The following CHORDC1 variants were observed in gnomAD, a reference collection of about 807,000 sequenced individuals.
The protein encoded by CHORDC1 is cysteine and histidine-rich domain-containing protein 1.
CHORDC1 carries 25 observed loss-of-function variants against 48.3 expected under a neutral mutation model. The observed-to-expected ratio is 0.52, with a 90% CI of 0.38 to 0.72. CHORDC1 has a LOEUF of 0.72. Ranked by LOEUF, CHORDC1 falls within the 30% of genes least tolerant of loss-of-function variation. The pLI, the probability that CHORDC1 is intolerant of heterozygous loss-of-function variation, is 0.00. For missense variants in CHORDC1, 317 were observed against 388.7 expected, an observed-to-expected ratio of 0.82 and a Z score of 1.55; for synonymous variants, 128 against 126.4, an observed-to-expected ratio of 1.01 and a Z score of -0.09.
intron 1 of CHORDC1, among the ~76,000 whole-genome samples, chr11:90,222,359 C>G (rs1048553778): frequency 2.0e-5 from 3 of 152,186 alleles, no homozygotes; most frequent in African/African-American, 7.2e-5. Context: ...TGTCCCTTAC[C>G]AAGAACACTT....
intron 7 of CHORDC1, chr11:90,205,954 G>A: frequency 2.0e-6 from 1 of 502,154 alleles, no homozygotes; most frequent in East Asian, 3.7e-5. Flanking sequence ...TTTAAATACA[G>A]AATATGAAGA....
At chr11:90,214,809 A>C (rs1857966971) in intron 3 of CHORDC1, among the ~76,000 whole-genome samples, 1 of 152,020 alleles carries the variant, frequency 6.6e-6, no homozygotes, top group Non-Finnish European at 1.5e-5. Flanking sequence ...GTGGTATATA[A>C]AGTGGTTTTA....
rs1038592536 is a variant in CHORDC1, at chr11:90,202,802, G to C, written c.852+11C>G. On this transcript the variant is annotated intron_variant, in intron 10 of 10. Transcript: ENST00000320585. ...TCAGAAAAAAAATTCTTATAAATTT[G>C]TAATACTTACACCCCATAATTTCAC... 1 of 1,583,162 alleles carries C rather than the reference G, an allele frequency of 6.3e-7. No individual in the cohort carries two copies. Among genetic ancestry groups the C allele is most frequent in the Non-Finnish European group, 8.6e-7 (1 of 1,168,662 alleles).
At chr11:90,205,907 T>C in intron 7 of CHORDC1, 1 of 466,150 alleles carries the variant, frequency 2.1e-6, no homozygotes. Context: ...TGTAGGACAG[T>C]CCTTCAAACA....
chr11:90,210,615 T>A (rs1857833421), intron 5 of CHORDC1, 21 bp from the exon 6 acceptor site: 1 of 1,482,750 alleles, frequency 6.7e-7, no homozygotes, highest in East Asian at 2.3e-5. Flanking sequence ...GAAAAAAAAA[T>A]CAAATTAAAA....
At chr11:90,206,009 CTTGT>C in intron 7 of CHORDC1, 189 bp downstream of exon 7, 1 of 583,680 alleles carries the variant, frequency 1.7e-6, no homozygotes, top group East Asian at 3.0e-5. Flanking sequence ...GAACTGTAAC[CTTGT>C]TTCTGTTTTC....
chr11:90,206,207 A>G lies in CHORDC1; in HGVS notation c.558T>C (p.His186=). 6.5e-7 allele frequency: 1 copy of G among 1,528,722 alleles called. No homozygotes were observed. Among genetic ancestry groups the G allele is most frequent in the African/African-American group, 1.4e-5 (1 of 73,586 alleles). 94.7% of individuals were successfully genotyped at this position (1,528,722 alleles called of 1,614,324 possible). A position where few individuals can be genotyped will look rare whatever the true frequency, so the allele number is the denominator to read the frequency against. The change falls in exon 7 of 11, where the codon CAT becomes CAC. Residue 186 remains histidine (H), a synonymous_variant. Coordinates refer to ENST00000320585, the MANE Select transcript of CHORDC1 (RefSeq NM_012124.3). The stretch of plus-strand genomic sequence containing the variant: ...ATAAGTCATGCATAAGTTACCCCTC[A>G]TGGAAAATAGGTACTCCAGAATGAT... The part of the protein sequence containing the change: ...CVYHSGVPIF[H]EGMKYWSCCR...
chr11:90,205,587 C>A (rs1857659466), intron 7 of CHORDC1, 22 bp from the exon 8 acceptor site: 8 of 1,419,744 alleles, frequency 5.6e-6, no homozygotes, highest in Non-Finnish European at 7.8e-6. Context: ...CACAGAAAAA[C>A]TTCAGAAATA....
At chr11:90,221,645 G>A (rs752880054) in intron 1 of CHORDC1, among the ~76,000 whole-genome samples, 4 of 152,114 alleles carry the variant, frequency 2.6e-5, no homozygotes. Context: ...CTTTAAAATC[G>A]TTTCTCGATT....
At chr11:90,213,685 G>A in intron 4 of CHORDC1, 1 of 452,594 alleles carries the variant, frequency 2.2e-6, no homozygotes, top group East Asian at 3.3e-5. Context: ...GCCATGAAAA[G>A]GAAAACTGCT....
chr11:90,218,581 C>A (rs538176990), intron 1 of CHORDC1, among the ~76,000 whole-genome samples: 1 of 152,338 alleles, frequency 6.6e-6, no homozygotes, highest in South Asian at 2.1e-4. Flanking sequence ...AAAGGTTTCA[C>A]AAGAGATTCC....
At chr11:90,213,445 T>C in intron 4 of CHORDC1, 1 of 695,332 alleles carries the variant, frequency 1.4e-6, no homozygotes, top group Non-Finnish European at 2.6e-6. Context: ...GTACTCAATA[T>C]ACATGTGTGG....
At position 90,202,064 on chromosome 11, in the gene CHORDC1, A is replaced by G; in HGVS notation, c.*341T>C. ...TTTACTAATTATGGAATAATACAAA[A>G]ACATAAAAAAAATGTTCCTTAATAT... On this transcript the variant is annotated 3_prime_UTR_variant, in exon 11 of 11. Coordinates refer to ENST00000320585, the MANE Select transcript of CHORDC1 (RefSeq NM_012124.3). The G allele has an allele frequency of 5.7e-6, 1 of 174,652 alleles. No homozygotes were observed. Among genetic ancestry groups the G allele is most frequent in the Non-Finnish European group, 1.2e-5 (1 of 83,162 alleles). 10.8% of individuals were successfully genotyped at this position (174,652 alleles called of 1,614,324 possible).
At chr11:90,203,174 ATTT>A in intron 9 of CHORDC1, 131 bp downstream of exon 9, 3 of 893,214 alleles carry the variant, frequency 3.4e-6, no homozygotes, top group Admixed American at 2.7e-5. Flanking sequence ...AAGTAATTTA[ATTT>A]TTTTTAATGG....
rs1857578236 is a variant in CHORDC1 at position 90,202,930 on chromosome 11, TCAAA to T, written c.790-59_790-56del. On this transcript the variant is annotated intron_variant, in intron 9 of 10. Coordinates refer to ENST00000320585, the MANE Select transcript of CHORDC1 (RefSeq NM_012124.3). ...TAATTCAAACTGAAGATTTATGCTA[TCAAA>T]CACTGATTATAAAAATAAGACTGAC... The T allele has an allele frequency of 2.6e-5, 39 of 1,507,610 alleles. No individual in the cohort carries two copies. In the South Asian group the frequency reaches 3.9e-4, roughly 15 times the overall value. The allele number at this position is 1,507,610 out of a possible 1,614,324, so 93.4% of individuals were successfully genotyped here. A position where few individuals can be genotyped will look rare whatever the true frequency, so the allele number is the denominator to read the frequency against.
At chr11:90,203,284 C>T in intron 9 of CHORDC1, 24 bp downstream of exon 9, 3 of 1,542,842 alleles carry the variant, frequency 1.9e-6, no homozygotes, top group Non-Finnish European at 2.7e-6. Context: ...AGAACTTTTA[C>T]CCAAAATTAT....
rs35305859 is a variant in CHORDC1, at chr11:90,213,334, C to CAA, written c.329+682_329+683dup. ...ATTACAATAAGTGCCTACTTGCAGC[C>CAA]AAAAAAAAAAAAAAAAATCACCTTT... On this transcript the variant is annotated intron_variant, in intron 4 of 10. Coordinates refer to ENST00000320585, the MANE Select transcript of CHORDC1 (RefSeq NM_012124.3). 4,629 of 573,510 alleles carry CAA rather than the reference C, an allele frequency of 8.1e-3. 8 individuals carry two copies. Among genetic ancestry groups the CAA allele is most frequent in the Non-Finnish European group, 1.0e-2 (3,207 of 321,840 alleles). The allele number at this position is 573,510 out of a possible 1,614,324, so 35.5% of individuals were successfully genotyped here.
At chr11:90,211,358 C>A in intron 4 of CHORDC1, 40 bp from the exon 5 acceptor site, 2 of 1,257,820 alleles carry the variant, frequency 1.6e-6, no homozygotes, top group African/African-American at 1.5e-5. Flanking sequence ...ATTAATATAC[C>A]AAAATATTTC....
intron 7 of CHORDC1, 54 bp from the exon 8 acceptor site, chr11:90,205,619 C>G: frequency 9.0e-7 from 1 of 1,114,928 alleles, no homozygotes; most frequent in Non-Finnish European, 1.3e-6. Flanking sequence ...CCAATTAAAT[C>G]CACAAGTATT....
Sources: gnomAD v4.1 joint callset for allele counts (sites outside exome capture counted in the v4.1 genomes callset) on GRCh38, gnomAD v4.1.1 for gene constraint, MANE v1.5 for transcripts, NCBI Gene and HGNC (gene_info 2026-07-23, HGNC 2026-07-21) for gene names.